CNTN5: variants seen among roughly 807,000 people sequenced by gnomAD.
The protein encoded by CNTN5 is contactin-5.
A neutral mutation model predicts 129.1 loss-of-function variants in CNTN5; 77 were observed. The ratio of observed to expected loss-of-function variants is 0.60; its 90% CI spans 0.50 to 0.72. The LOEUF is 0.72. Ranked by LOEUF, CNTN5 falls within the 30% of genes least tolerant of loss-of-function variation. The pLI is 0.00. For synonymous variants in CNTN5, 509 were observed against 465.6 expected (o/e 1.09, Z -1.20); for missense variants, 1,478 against 1,328.8 (o/e 1.11, Z -1.75).
At chr11:99,673,213 C>T (rs545854551) in intron 3 of CNTN5, among the ~76,000 whole-genome samples, 5 of 152,278 alleles carry the variant, frequency 3.3e-5, no homozygotes, top group African/African-American at 1.2e-4. Flanking sequence ...GGACATTTGA[C>T]AAGCTTTCGA....
At position 99,783,094 on chromosome 11, in the gene CNTN5, T is replaced by C. The variant is rs866115774; in HGVS notation, c.56-36450T>C. ...ACTCATCTGACAAAGGGCTAATATC[T>C]AGAATCTACAATGAACTCAAACAAA... On this transcript the variant is annotated intron_variant, in intron 3 of 24. Coordinates refer to ENST00000524871, the MANE Select transcript of CNTN5 (RefSeq NM_014361.4). 1.4e-3 allele frequency among the ~76,000 whole-genome samples: 171 copies of C among 123,422 alleles called. 1 individual carries two copies. The highest frequency in any genetic ancestry group is 4.8e-3 in the South Asian group (16 of 3,350). The allele number at this position is 123,422 out of a possible 152,430, so 81.0% of individuals were successfully genotyped here. A position where few individuals can be genotyped will look rare whatever the true frequency, so the allele number is the denominator to read the frequency against.
At chr11:99,734,712 T>TTC (rs1416023976) in intron 3 of CNTN5, among the ~76,000 whole-genome samples, 1 of 152,064 alleles carries the variant, frequency 6.6e-6, no homozygotes, top group East Asian at 1.9e-4. Context: ...ACTGATTTTT[T>TTC]TTTTTTTTGC....
intron 1 of CNTN5, among the ~76,000 whole-genome samples, chr11:99,257,773 T>C (rs566654183): frequency 1.2e-4 from 19 of 152,136 alleles, no homozygotes; most frequent in South Asian, 1.0e-3. Context: ...TTAAGAGAAA[T>C]GTAAGAAAGT....
At chr11:99,579,106 G>T (rs1252671542) in intron 3 of CNTN5, among the ~76,000 whole-genome samples, 14 of 152,088 alleles carry the variant, frequency 9.2e-5, no homozygotes, top group Non-Finnish European at 2.1e-4. Flanking sequence ...CCCATTGCTT[G>T]TTTTTGTCAG....
Position 99,892,506 on chromosome 11 carries a change from A to T in CNTN5, c.578-23548A>T, listed in dbSNP as rs61911641. Among the ~76,000 whole-genome samples, 1,203 of 152,270 alleles carry T rather than the reference A, an allele frequency of 7.9e-3. 11 individuals are homozygous for T. Among genetic ancestry groups the T allele is most frequent in the Non-Finnish European group, 9.8e-3 (668 of 68,020 alleles). ...TCCATCGTGAGTTAATTTTTGTATAAGGTGTAAGGAAGGGGTCCAGTTTCA... is the reference window on the plus strand; with the variant it reads ...TCCATCGTGAGTTAATTTTTGTATATGGTGTAAGGAAGGGGTCCAGTTTCA... On this transcript the variant is annotated intron_variant, in intron 6 of 24. Transcript: ENST00000524871.
At chr11:99,427,076 C>G (rs1411823522) in intron 2 of CNTN5, among the ~76,000 whole-genome samples, 1 of 152,152 alleles carries the variant, frequency 6.6e-6, no homozygotes, top group Non-Finnish European at 1.5e-5. Flanking sequence ...AAAACAAAAA[C>G]CTTCTGCAGT....
chr11:99,590,311 T>C (rs960240649), intron 3 of CNTN5, among the ~76,000 whole-genome samples: 2 of 152,144 alleles, frequency 1.3e-5, no homozygotes, highest in Non-Finnish European at 2.9e-5. Flanking sequence ...GCATGAGTGA[T>C]GTCAGAGATT....
chr11:99,830,015 A>G (rs1183826241), intron 4 of CNTN5, among the ~76,000 whole-genome samples: 1 of 151,986 alleles, frequency 6.6e-6, no homozygotes, highest in African/African-American at 2.4e-5. Context: ...TGTAGGGTGC[A>G]TTTCATTCTT....
chr11:99,987,063 T>A (rs1408375404), intron 8 of CNTN5, among the ~76,000 whole-genome samples: 1 of 152,140 alleles, frequency 6.6e-6, no homozygotes, highest in Non-Finnish European at 1.5e-5. Flanking sequence ...AAAATTATTT[T>A]AAGTATCCCA....
At chr11:99,794,964 G>A (rs1313064902) in intron 3 of CNTN5, among the ~76,000 whole-genome samples, 1 of 152,052 alleles carries the variant, frequency 6.6e-6, no homozygotes, top group Non-Finnish European at 1.5e-5. Context: ...TTGAATGTTA[G>A]CCTCTATTGC....
intron 21 of CNTN5, among the ~76,000 whole-genome samples, chr11:100,327,681 TCA>T (rs2138978160): frequency 6.6e-6 from 1 of 152,314 alleles, no homozygotes; most frequent in East Asian, 1.9e-4. Context: ...CCATTGATTC[TCA>T]GTTGGCCCTA....
intron 1 of CNTN5, among the ~76,000 whole-genome samples, chr11:99,073,848 G>A (rs1268089559): frequency 6.6e-6 from 1 of 152,110 alleles, no homozygotes; most frequent in African/African-American, 2.4e-5. Flanking sequence ...GTGTGCATGT[G>A]TCTTTATAGT....
At chr11:99,665,721 A>C (rs1390445233) in intron 3 of CNTN5, among the ~76,000 whole-genome samples, 1 of 151,916 alleles carries the variant, frequency 6.6e-6, no homozygotes, top group Non-Finnish European at 1.5e-5. Context: ...TTGTGACCTC[A>C]AGTGATCAGT....
At chr11:100,170,879 ATCC>A (rs1947803209) in intron 13 of CNTN5, among the ~76,000 whole-genome samples, 1 of 135,908 alleles carries the variant, frequency 7.4e-6, no homozygotes, top group African/African-American at 3.0e-5. Context: ...TATAGAAGGT[ATCC>A]TGAAACAAAA....
At chr11:99,283,766 C>T (rs904792409) in intron 1 of CNTN5, among the ~76,000 whole-genome samples, 2 of 151,954 alleles carry the variant, frequency 1.3e-5, no homozygotes, top group Non-Finnish European at 2.9e-5. Context: ...GTCCAATTGC[C>T]ATAGGAGAAA....
intron 13 of CNTN5, among the ~76,000 whole-genome samples, chr11:100,168,588 T>C (rs1462059488): frequency 6.6e-6 from 1 of 151,996 alleles, no homozygotes; most frequent in Non-Finnish European, 1.5e-5. Flanking sequence ...AAGATTCCTT[T>C]CAAAATGTTA....
chr11:99,952,851 A>G (rs1950709582), intron 7 of CNTN5, among the ~76,000 whole-genome samples: 1 of 152,194 alleles, frequency 6.6e-6, no homozygotes, highest in Non-Finnish European at 1.5e-5. Context: ...AGCATTTTAT[A>G]AAAATAGAGA....
intron 21 of CNTN5, among the ~76,000 whole-genome samples, chr11:100,324,558 G>T (rs919165638): frequency 2.0e-5 from 3 of 152,072 alleles, no homozygotes; most frequent in African/African-American, 7.2e-5. Context: ...ATAATTAAAT[G>T]CTCTTAGAAT....
intron 3 of CNTN5, among the ~76,000 whole-genome samples, chr11:99,664,476 G>C (rs566240224): frequency 6.6e-6 from 1 of 152,252 alleles, no homozygotes; most frequent in Non-Finnish European, 1.5e-5. Context: ...ACCTGGACCA[G>C]AGTTTTCAGT....
Sources: gnomAD v4.1 joint callset for allele counts (sites outside exome capture counted in the v4.1 genomes callset) on GRCh38, gnomAD v4.1.1 for gene constraint, MANE v1.5 for transcripts, NCBI Gene and HGNC (gene_info 2026-07-23, HGNC 2026-07-21) for gene names.